Variants in PPARGC1B observed in about 807,000 individuals in gnomAD.
PPARGC1B encodes PPARG coactivator 1 beta, also known as peroxisome proliferator-activated receptor gamma coactivator 1-beta.
Under a neutral mutation model 101.6 loss-of-function variants are expected in PPARGC1B, and 34 were observed. The observed-to-expected ratio is 0.33, with a 90% CI of 0.25 to 0.45. The LOEUF is 0.45. Ranked by LOEUF, PPARGC1B falls within the 20% of genes least tolerant of loss-of-function variation. The probability of loss-of-function intolerance (pLI) is 1.00; values close to 1 mark genes in which losing one functional copy is unlikely to be tolerated. For synonymous variants in PPARGC1B, 548 were observed against 539.3 expected (o/e 1.02, Z -0.22); for missense variants, 1,234 against 1,317.6 (o/e 0.94, Z 0.98).
intron 1 of PPARGC1B, among the ~76,000 whole-genome samples, chr5:149,789,256 A>T (rs142730133): frequency 6.6e-6 from 1 of 152,186 alleles, no homozygotes; most frequent in Admixed American, 6.5e-5. Flanking sequence ...TACTTTAGAC[A>T]TGAATCAACT....
chr5:149,790,124 A>C (rs1433194800), intron 1 of PPARGC1B, among the ~76,000 whole-genome samples: 1 of 152,144 alleles, frequency 6.6e-6, no homozygotes, highest in Non-Finnish European at 1.5e-5. Context: ...GTGTAGGATT[A>C]TTGTGGGGAA....
In PPARGC1B at chr5:149,779,241, C is replaced by T. The variant is rs557406746; in HGVS notation, c.79-41192C>T. ...TGCCAGGCCTCTCTGGCTTTGTCTT[C>T]CCACTGATAAGATGGGGATGAGGCT... is the stretch of plus-strand genomic sequence containing the variant. On this transcript the variant is annotated intron_variant, in intron 1 of 11. Transcript: ENST00000309241. 1.4e-3 allele frequency among the ~76,000 whole-genome samples: 208 copies of T among 152,302 alleles called. 1 individual carries two copies. The highest frequency in any genetic ancestry group is 3.4e-3 in the Middle Eastern group (1 of 294).
intron 4 of PPARGC1B, 45 bp downstream of exon 4, chr5:149,830,928 GGCTGCAGCCTTCA>G (rs1758760588): frequency 7.4e-7 from 1 of 1,357,614 alleles, no homozygotes; most frequent in African/African-American, 1.4e-5. Context: ...TGTCTGTTGG[GGCTGCAGCCTTCA>G]GCTCTGGTGG....
At chr5:149,744,798 T>A (rs1755029298) in intron 1 of PPARGC1B, among the ~76,000 whole-genome samples, 1 of 152,204 alleles carries the variant, frequency 6.6e-6, no homozygotes, top group Non-Finnish European at 1.5e-5. Flanking sequence ...AAAGAGTTTG[T>A]AGCTCGGCAT....
At chr5:149,744,908 C>CTTTT (rs34363116) in intron 1 of PPARGC1B, among the ~76,000 whole-genome samples, 1 of 132,942 alleles carries the variant, frequency 7.5e-6, no homozygotes, top group Admixed American at 7.7e-5. Context: ...AGCTTTGTGA[C>CTTTT]TTTTTTTTTT....
In PPARGC1B at chr5:149,750,769, G is replaced by C. The variant is rs187420398; in HGVS notation, c.78+20349G>C. On this transcript the variant is annotated intron_variant, in intron 1 of 11. Transcript: ENST00000309241. ...AAAGCCATCCGATTATCTCTGGCCC[G>C]CACCAGCTGCTGGATTTTGCAGCCG... Among the ~76,000 whole-genome samples the C allele has an allele frequency of 3.1e-3, 473 of 152,284 alleles. 3 individuals are homozygous for C. Among genetic ancestry groups the C allele is most frequent in the Admixed American group, 0.017 (253 of 15,296 alleles).
rs113652806 is a variant in PPARGC1B at position 149,847,361 on chromosome 5, C to T, written c.2972-97C>T. 2.1e-3 allele frequency: 1,922 copies of T among 907,840 alleles called. 6 individuals are homozygous for T. The highest frequency in any genetic ancestry group is 4.1e-3 in the Middle Eastern group (19 of 4,670). 56.2% of individuals were successfully genotyped at this position (907,840 alleles called of 1,614,324 possible). ...AAGGCCTTGGGCTGCAGCCACTCCA[C>T]GGTGCCCACTCATAGTGGCAGATTC... On this transcript the variant is annotated intron_variant, in intron 11 of 11. Coordinates refer to ENST00000309241, the MANE Select transcript of PPARGC1B (RefSeq NM_133263.4).
At chr5:149,772,949 A>T (rs1448802548) in intron 1 of PPARGC1B, among the ~76,000 whole-genome samples, 1 of 152,156 alleles carries the variant, frequency 6.6e-6, no homozygotes, top group Admixed American at 6.5e-5. Context: ...TTGTACTGTG[A>T]ACATACCTGG....
intron 1 of PPARGC1B, among the ~76,000 whole-genome samples, chr5:149,767,871 A>G (rs1290547964): frequency 6.6e-6 from 1 of 152,190 alleles, no homozygotes; most frequent in Non-Finnish European, 1.5e-5. Context: ...TGGTTTCTGC[A>G]TGATTCAAGT....
At chr5:149,809,568 G>A (rs1757765840) in intron 1 of PPARGC1B, among the ~76,000 whole-genome samples, 1 of 151,108 alleles carries the variant, frequency 6.6e-6, no homozygotes, top group Non-Finnish European at 1.5e-5. Context: ...TGCACCTGTA[G>A]TCCTAGCTAC....
Position 149,826,722 on chromosome 5 carries a change from A to G in PPARGC1B, c.302A>G (p.Asp101Gly), listed in dbSNP as rs1299205583. The change falls in exon 3 of 12, where the codon GAT (aspartate) becomes GGT (glycine). Residue 101 changes from aspartate (D) to glycine (G), a missense_variant. Asp to Gly is a moderately conservative substitution (Grantham distance 94, BLOSUM62 -1). Around this residue, in one of 3 missense-constraint regions of PPARGC1B, gnomAD observed 734 missense variants for 768.4 expected, o/e 0.96. Transcript: ENST00000309241. ...ALLAELTKTL[D>G]DIPEDDVGLA... ...CTGGCAGAGCTCACCAAGACCCTGG[A>G]TGACATCCCTGAAGATGACGTGGGT... 3 of 1,613,830 alleles carry G rather than the reference A, an allele frequency of 1.9e-6. No individual in the cohort carries two copies. The highest frequency in any genetic ancestry group is 2.5e-6 in the Non-Finnish European group (3 of 1,179,954).
At chr5:149,789,114 T>C (rs1465220708) in intron 1 of PPARGC1B, among the ~76,000 whole-genome samples, 2 of 152,182 alleles carry the variant, frequency 1.3e-5, no homozygotes, top group African/African-American at 4.8e-5. Flanking sequence ...TAGTCCAAAG[T>C]TGTGCTCCGG....
At chr5:149,763,526 G>GTTTTTTTT (rs70973540) in intron 1 of PPARGC1B, among the ~76,000 whole-genome samples, 1 of 67,678 alleles carries the variant, frequency 1.5e-5, no homozygotes, top group Non-Finnish European at 2.6e-5. Context: ...TTCACTCCTG[G>GTTTTTTTT]TTTTTTTTTT....
intron 9 of PPARGC1B, 55 bp downstream of exon 9, chr5:149,840,171 G>A: frequency 1.3e-6 from 2 of 1,535,130 alleles, no homozygotes; most frequent in African/African-American, 1.4e-5. Context: ...CAGGAAGTGT[G>A]TGGGGGCTTC....
intron 1 of PPARGC1B, among the ~76,000 whole-genome samples, chr5:149,782,256 G>A (rs1350814389): frequency 6.6e-6 from 1 of 152,130 alleles, no homozygotes; most frequent in Admixed American, 6.5e-5. Flanking sequence ...CTCATTTACT[G>A]TGTGACCTTG....
chr5:149,845,772 C>T lies in PPARGC1B; in HGVS notation c.2829C>T (p.Tyr943=), dbSNP rs143268818. The T allele has an allele frequency of 2.3e-4, 369 of 1,610,742 alleles. 3 individuals carry two copies. In the East Asian group the frequency reaches 7.0e-3, roughly 31 times the overall value. ...TCCCTCCCCGCAGAGGCGAGAAGTA[C>T]GGCTTCATCACCTACCGGTGTTCTG... ...VLTRNRRGEK[Y]GFITYRCSEH... is the part of the protein sequence containing the mutation. The change falls in exon 11 of 12, where the codon TAC becomes TAT. Residue 943 remains tyrosine (Y), a synonymous_variant. Transcript: ENST00000309241.
At chr5:149,794,344 A>C (rs988778895) in intron 1 of PPARGC1B, among the ~76,000 whole-genome samples, 2 of 152,226 alleles carry the variant, frequency 1.3e-5, no homozygotes, top group African/African-American at 2.4e-5. Flanking sequence ...AATGTTAGAC[A>C]GTGTCTAATT....
chr5:149,855,655 G>T (rs1278555936), downstream of PPARGC1B, among the ~76,000 whole-genome samples: 2 of 152,152 alleles, frequency 1.3e-5, no homozygotes, highest in Non-Finnish European at 2.9e-5. Context: ...TGAGGAAGTG[G>T]CATCTTCCAA....
chr5:149,814,878 A>G (rs897519582), intron 1 of PPARGC1B, among the ~76,000 whole-genome samples: 6 of 152,214 alleles, frequency 3.9e-5, no homozygotes, highest in Admixed American at 1.3e-4. Context: ...GGCCCACGGC[A>G]GGGGGTGAGC....
Sources: allele counts gnomAD v4.1 joint callset (sites outside exome capture counted in the v4.1 genomes callset), GRCh38; gene constraint gnomAD v4.1.1; regional missense constraint gnomAD v4.1.1; transcripts MANE v1.5; gene names NCBI Gene and HGNC (gene_info 2026-07-23, HGNC 2026-07-21).